Variants in PHEX observed in about 807,000 individuals in gnomAD.
PHEX encodes the protein phosphate regulating endopeptidase X-linked, also known as phosphate-regulating neutral endopeptidase PHEX.
In PHEX, 16 loss-of-function variants were observed where a neutral mutation model predicts 68.0. The observed-to-expected ratio is 0.24, with a 90% CI of 0.16 to 0.36. The LOEUF is 0.36. Ranked by LOEUF, PHEX falls within the 10% of genes least tolerant of loss-of-function variation. The pLI is 1.00. For missense variants in PHEX, 480 were observed against 575.5 expected (o/e 0.83, Z 1.70); for synonymous variants, 208 against 205.1 (o/e 1.01, Z -0.12).
intron 14 of PHEX, among the ~76,000 whole-genome samples, chrX:22,182,349 TCCAC>T (rs774138113): frequency 1.8e-5 from 2 of 111,639 alleles, no homozygotes; most frequent in Non-Finnish European, 3.8e-5. Flanking sequence ...CGTGTTTCTT[TCCAC>T]TGTGATAGGA....
intron 16 of PHEX, among the ~76,000 whole-genome samples, chrX:22,215,876 C>A (rs1385989862): frequency 4.5e-5 from 5 of 111,216 alleles, no homozygotes; most frequent in African/African-American, 9.8e-5. Context: ...GAAGTGGAAC[C>A]TCATAACTGT....
intron 15 of PHEX, among the ~76,000 whole-genome samples, chrX:22,203,893 C>T (rs1878366895): frequency 9.0e-6 from 1 of 111,687 alleles, no homozygotes; most frequent in Non-Finnish European, 1.9e-5. Flanking sequence ...ATCAGTTAAA[C>T]ATAAGAAATT....
chrX:22,164,937 T>G (rs1398519936), intron 12 of PHEX, among the ~76,000 whole-genome samples: 2 of 112,033 alleles, frequency 1.8e-5, no homozygotes, highest in African/African-American at 6.5e-5. Flanking sequence ...GAAGGTGTAA[T>G]TTGATCTGTG....
At chrX:22,131,566 T>C (rs1289463756) in intron 11 of PHEX, among the ~76,000 whole-genome samples, 1 of 113,145 alleles carries the variant, frequency 8.8e-6, no homozygotes, top group East Asian at 2.8e-4. Context: ...TATTTACATA[T>C]GATGGAACCC....
chrX:22,249,455 A>AAAAAAAATATATATATATAT lies in PHEX; in HGVS notation c.*1503_*1504insAAAAAATATATATATATATA. The AAAAAAAATATATATATATAT allele has an allele frequency of 7.5e-5, 3 of 39,764 alleles. No homozygotes were observed. The highest frequency in any genetic ancestry group is 2.6e-4 in the Admixed American group (1 of 3,803). The allele number at this position is 39,764 out of a possible 1,213,427, so 3.3% of individuals were successfully genotyped here. A position where few individuals can be genotyped will look rare whatever the true frequency, so the allele number is the denominator to read the frequency against. On this transcript the variant is annotated 3_prime_UTR_variant, in exon 22 of 22. Coordinates refer to ENST00000379374, the MANE Select transcript of PHEX (RefSeq NM_000444.6). ...TTGTGATTCTTTTAAAAAAAAAAAA[A>AAAAAAAATATATATATATAT]ATATATATATATATATATATATATA...
At chrX:22,131,895 T>A (rs1187977022) in intron 11 of PHEX, among the ~76,000 whole-genome samples, 1 of 110,810 alleles carries the variant, frequency 9.0e-6, no homozygotes, top group Non-Finnish European at 1.9e-5. Flanking sequence ...AGGCAGGGCC[T>A]CCTCACATTG....
In PHEX at chrX:22,113,112, A is replaced by G. The variant is rs952217292; in HGVS notation, c.1174-1346A>G. ...AAAAGATGATGCCCAGCTGCTTTCC[A>G]CCCCTACTGTGAAGAGAATGAGAGA... On this transcript the variant is annotated intron_variant, in intron 10 of 21. Transcript: ENST00000379374. Among the ~76,000 whole-genome samples, 5 of 107,422 alleles carry G rather than the reference A, an allele frequency of 4.7e-5. No homozygotes were observed. The Admixed American group carries it at 5.1e-4, about 11-fold the overall frequency. The allele number at this position is 107,422 out of a possible 115,157, so 93.3% of individuals were successfully genotyped here.
rs143286595 is a variant in PHEX, at chrX:22,175,015, C to G, written c.1483-3258C>G. ...TTCCGTAATCTCCTTAGCCCTGTTTCCCATCTATCATATGTGAATAACAGT... is the reference window on the plus strand; with the variant it reads ...TTCCGTAATCTCCTTAGCCCTGTTTGCCATCTATCATATGTGAATAACAGT... On this transcript the variant is annotated intron_variant, in intron 13 of 21. Transcript: ENST00000379374. Among the ~76,000 whole-genome samples the G allele has an allele frequency of 4.8e-3, 533 of 111,509 alleles. 3 individuals are homozygous for G. Among genetic ancestry groups the G allele is most frequent in the African/African-American group, 0.017 (510 of 30,704 alleles).
At chrX:22,036,292 T>C (rs1927018363) in intron 1 of PHEX, among the ~76,000 whole-genome samples, 1 of 108,688 alleles carries the variant, frequency 9.2e-6, no homozygotes, top group Non-Finnish European at 1.9e-5. Flanking sequence ...ACTCCTGACC[T>C]CAGGTGATCC....
intron 6 of PHEX, among the ~76,000 whole-genome samples, chrX:22,091,177 A>G (rs989389853): frequency 8.9e-6 from 1 of 111,928 alleles, no homozygotes; most frequent in African/African-American, 3.3e-5. Context: ...TGCCGATACT[A>G]ACTTCTATAC....
chrX:22,185,120 C>T (rs1288915222), intron 14 of PHEX, among the ~76,000 whole-genome samples: 1 of 111,796 alleles, frequency 8.9e-6, no homozygotes, highest in Non-Finnish European at 1.9e-5. Flanking sequence ...TCTCATTCTC[C>T]AGTATAATTT....
At chrX:22,225,495 G>GGCCAGATA (rs1382316697) in intron 18 of PHEX, among the ~76,000 whole-genome samples, 3 of 111,267 alleles carry the variant, frequency 2.7e-5, no homozygotes, top group Non-Finnish European at 5.6e-5. Flanking sequence ...TTCTGTAAAG[G>GGCCAGATA]GCCAGATAGT....
intron 12 of PHEX, among the ~76,000 whole-genome samples, chrX:22,135,523 A>G (rs1932191315): frequency 9.0e-6 from 1 of 110,764 alleles, no homozygotes; most frequent in African/African-American, 3.3e-5. Context: ...GTTGGGGGTA[A>G]TGTGTTATGA....
intron 20 of PHEX, among the ~76,000 whole-genome samples, chrX:22,236,335 A>G (rs779192671): frequency 3.8e-4 from 43 of 112,152 alleles, no homozygotes; most frequent in Admixed American, 1.3e-3. Flanking sequence ...CTGCTCTCCA[A>G]ATGTTCAAGA....
intron 3 of PHEX, among the ~76,000 whole-genome samples, chrX:22,053,946 C>CTTTT: frequency 9.0e-6 from 1 of 110,709 alleles, no homozygotes; most frequent in East Asian, 2.8e-4. Context: ...CCCAAATAAT[C>CTTTT]TTTTTTTCTG....
intron 5 of PHEX, among the ~76,000 whole-genome samples, chrX:22,089,411 T>G (rs1447222731): frequency 9.2e-6 from 1 of 108,651 alleles, no homozygotes; most frequent in Admixed American, 9.9e-5. Context: ...TTTTTGTTTT[T>G]TTTTTGTTTT....
intron 1 of PHEX, among the ~76,000 whole-genome samples, chrX:22,036,971 T>C (rs375373584): frequency 8.4e-5 from 9 of 106,664 alleles, no homozygotes; most frequent in East Asian, 2.9e-4. Context: ...TGGTGGCGGG[T>C]GCCTGTAGTC....
intron 20 of PHEX, among the ~76,000 whole-genome samples, chrX:22,235,538 A>G (rs1006786002): frequency 1.1e-4 from 12 of 111,056 alleles, no homozygotes; most frequent in Admixed American, 9.6e-4. Flanking sequence ...GTGTCCTCAC[A>G]TGGTGGAAAG....
chrX:22,185,762 T>TG (rs200490172), intron 14 of PHEX, among the ~76,000 whole-genome samples: 1 of 103,029 alleles, frequency 9.7e-6, no homozygotes, highest in African/African-American at 3.8e-5. Flanking sequence ...TGTGGTTTTT[T>TG]TTTTTTTTTT....
Sources: gnomAD v4.1 joint callset for allele counts (sites outside exome capture counted in the v4.1 genomes callset) on GRCh38, gnomAD v4.1.1 for gene constraint, MANE v1.5 for transcripts, NCBI Gene and HGNC (gene_info 2026-07-23, HGNC 2026-07-21) for gene names.